GPR39: variants seen among roughly 807,000 people sequenced by gnomAD.
GPR39 encodes the protein zinc sensing receptor.
In GPR39, 23 loss-of-function variants were observed where a neutral mutation model predicts 18.4. The ratio of observed to expected loss-of-function variants is 1.25; its 90% CI spans 0.90 to 1.77. The LOEUF (loss-of-function observed/expected upper bound fraction) is 1.77. Ranked by LOEUF, GPR39 falls within the 40% of genes most tolerant of loss-of-function variation. The pLI is 0.00. For synonymous variants in GPR39, 280 were observed against 257.9 expected, an observed-to-expected ratio of 1.09 and a Z score of -0.82; for missense variants, 647 against 602.4, an observed-to-expected ratio of 1.07 and a Z score of -0.78.
chr2:132,493,213 TG>T (rs1473851180), intron 1 of GPR39, among the ~76,000 whole-genome samples: 1 of 140,250 alleles, frequency 7.1e-6, no homozygotes. Flanking sequence ...ACACCATATA[TG>T]TACACCATAT....
intron 1 of GPR39, among the ~76,000 whole-genome samples, chr2:132,531,822 C>G (rs2104776375): frequency 6.6e-6 from 1 of 152,256 alleles, no homozygotes; most frequent in South Asian, 2.1e-4. Context: ...ACACAATATA[C>G]CAGAATCTCT....
At chr2:132,504,654 C>T (rs1679102214) in intron 1 of GPR39, among the ~76,000 whole-genome samples, 1 of 152,054 alleles carries the variant, frequency 6.6e-6, no homozygotes, top group Non-Finnish European at 1.5e-5. Flanking sequence ...ATTTTAGCTC[C>T]TACTAGTGGC....
chr2:132,592,547 AG>A (rs1477309197), intron 1 of GPR39, among the ~76,000 whole-genome samples: 1 of 152,212 alleles, frequency 6.6e-6, no homozygotes, highest in Non-Finnish European at 1.5e-5. Flanking sequence ...AGCTGGATGC[AG>A]AGCCATTGGG....
chr2:132,525,776 G>A (rs1679497045), intron 1 of GPR39, among the ~76,000 whole-genome samples: 1 of 152,314 alleles, frequency 6.6e-6, no homozygotes, highest in South Asian at 2.1e-4. Context: ...TATAGGCAAA[G>A]GTCACGTGTG....
chr2:132,556,983 CT>C (rs1680163314), intron 1 of GPR39, among the ~76,000 whole-genome samples: 1 of 152,134 alleles, frequency 6.6e-6, no homozygotes, highest in African/African-American at 2.4e-5. Flanking sequence ...GGCAATTCAC[CT>C]TGTAGAGGGC....
At chr2:132,425,359 G>T (rs991299869) in intron 1 of GPR39, among the ~76,000 whole-genome samples, 1 of 152,100 alleles carries the variant, frequency 6.6e-6, no homozygotes, top group African/African-American at 2.4e-5. Flanking sequence ...TTCCTTACTG[G>T]GTTGGGGGCA....
chr2:132,606,017 G>A (rs1341886619), intron 1 of GPR39: 1 of 152,254 alleles, frequency 6.6e-6, no homozygotes, highest in East Asian at 1.9e-4. Context: ...CTGAGAAGCA[G>A]GAGCCCAGGT....
intron 1 of GPR39, among the ~76,000 whole-genome samples, chr2:132,548,775 A>G (rs1002300813): frequency 1.3e-5 from 2 of 152,238 alleles, no homozygotes; most frequent in Admixed American, 6.5e-5. Context: ...TTGGTAAAAC[A>G]TAAGTCCCCA....
At chr2:132,599,321 A>G (rs1681000973) in intron 1 of GPR39, among the ~76,000 whole-genome samples, 1 of 152,090 alleles carries the variant, frequency 6.6e-6, no homozygotes, top group African/African-American at 2.4e-5. Flanking sequence ...TAATCAGAAG[A>G]GCATGGTGAT....
chr2:132,486,968 T>C (rs1026947782), intron 1 of GPR39, among the ~76,000 whole-genome samples: 2 of 152,210 alleles, frequency 1.3e-5, no homozygotes, highest in African/African-American at 4.8e-5. Flanking sequence ...AGCTTTTGAT[T>C]TAAAGTGGGA....
chr2:132,547,573 A>C (rs187146131), intron 1 of GPR39, among the ~76,000 whole-genome samples: 5 of 152,336 alleles, frequency 3.3e-5, no homozygotes, highest in Admixed American at 6.5e-5. Flanking sequence ...AGCCTGACTG[A>C]AAATTATAAG....
chr2:132,574,048 C>T (rs1680486728), intron 1 of GPR39, among the ~76,000 whole-genome samples: 1 of 152,172 alleles, frequency 6.6e-6, no homozygotes, highest in Admixed American at 6.5e-5. Context: ...ATATCATGAA[C>T]ATTGTAAACC....
At chr2:132,644,486 A>ATGAT (rs1177524177) in intron 1 of GPR39, among the ~76,000 whole-genome samples, 2 of 152,264 alleles carry the variant, frequency 1.3e-5, no homozygotes, top group African/African-American at 4.8e-5. Flanking sequence ...TATGAGCATC[A>ATGAT]TGATTATAGG....
At chr2:132,458,134 G>A (rs550496115) in intron 1 of GPR39, among the ~76,000 whole-genome samples, 1 of 152,260 alleles carries the variant, frequency 6.6e-6, no homozygotes, top group Non-Finnish European at 1.5e-5. Context: ...TCTGTGGGCT[G>A]CACCCACTGT....
chr2:132,616,754 A>G (rs1187463265), intron 1 of GPR39, among the ~76,000 whole-genome samples: 1 of 152,218 alleles, frequency 6.6e-6, no homozygotes, highest in Non-Finnish European at 1.5e-5. Context: ...TAATGGAGCC[A>G]TGCATAAATC....
intron 1 of GPR39, among the ~76,000 whole-genome samples, chr2:132,492,699 T>TACC (rs1264434072): frequency 1.4e-5 from 2 of 142,446 alleles, no homozygotes; most frequent in Non-Finnish European, 3.1e-5. Flanking sequence ...ACCATATATA[T>TACC]ATAATATATA....
At chr2:132,591,764 G>T (rs1044249892) in intron 1 of GPR39, among the ~76,000 whole-genome samples, 1 of 152,162 alleles carries the variant, frequency 6.6e-6, no homozygotes, top group Non-Finnish European at 1.5e-5. Flanking sequence ...TAAGCTGCAG[G>T]AAAGGACATG....
intron 1 of GPR39, among the ~76,000 whole-genome samples, chr2:132,611,891 G>T (rs1681245249): frequency 6.6e-6 from 1 of 152,142 alleles, no homozygotes; most frequent in African/African-American, 2.4e-5. Flanking sequence ...TTAATGTGAG[G>T]CATTAGCCTT....
chr2:132,427,889 A>AT (rs1553446903), intron 1 of GPR39, among the ~76,000 whole-genome samples: 1 of 142,278 alleles, frequency 7.0e-6, no homozygotes, highest in South Asian at 2.1e-4. Context: ...ATATATATAT[A>AT]ATATATATAT....
Sources: allele counts gnomAD v4.1 joint callset (sites outside exome capture counted in the v4.1 genomes callset), GRCh38; gene constraint gnomAD v4.1.1; transcripts MANE v1.5; gene names NCBI Gene and HGNC (gene_info 2026-07-23, HGNC 2026-07-21).